Variants in PIBF1 observed in about 807,000 individuals in gnomAD.
PIBF1 encodes the protein progesterone-induced-blocking factor 1.
A neutral mutation model predicts 112.5 loss-of-function variants in PIBF1; 90 were observed. The observed-to-expected ratio is 0.80, with a 90% CI of 0.67 to 0.95. The LOEUF (loss-of-function observed/expected upper bound fraction) is 0.95, where lower values mean the gene tolerates loss of function less well. PIBF1 is among the 40% of genes least tolerant of loss of function. PIBF1 has a pLI of 0.00. For missense variants in PIBF1, 915 were observed against 852.3 expected (o/e 1.07, Z -0.92); for synonymous variants, 301 against 288.6 (o/e 1.04, Z -0.44).
In PIBF1 at chr13:72,835,811, C is replaced by G. The variant is rs367686772; in HGVS notation, c.1223+443C>G. On this transcript the variant is annotated intron_variant, in intron 9 of 17. Coordinates refer to ENST00000326291, the MANE Select transcript of PIBF1 (RefSeq NM_006346.4). ...GTATTAGGTAATCCTGAAGAAATAT[C>G]ATTTTTGGCTGGGCGTGGTGGCTCA... 9.9e-5 allele frequency among the ~76,000 whole-genome samples: 15 copies of G among 152,086 alleles called. No individual in the cohort carries two copies. In the East Asian group the frequency reaches 1.7e-3, roughly 18 times the overall value.
intron 3 of PIBF1, 55 bp downstream of exon 3, chr13:72,792,602 A>C: frequency 1.2e-6 from 1 of 862,918 alleles, no homozygotes; most frequent in Non-Finnish European, 1.8e-6. Context: ...ATTAAAAGTA[A>C]TTTTATTGCC....
intron 17 of PIBF1, among the ~76,000 whole-genome samples, chr13:73,009,039 T>G (rs373716989): frequency 6.6e-6 from 1 of 152,230 alleles, no homozygotes; most frequent in Non-Finnish European, 1.5e-5. Context: ...GGAACCTAGA[T>G]TCCCTCTTCC....
At chr13:72,903,622 T>C (rs895357281) in intron 11 of PIBF1, among the ~76,000 whole-genome samples, 1 of 152,208 alleles carries the variant, frequency 6.6e-6, no homozygotes, top group African/African-American at 2.4e-5. Flanking sequence ...AAATCTAAAA[T>C]TAGCTACATG....
intron 14 of PIBF1, among the ~76,000 whole-genome samples, chr13:72,938,328 AC>A (rs2041926142): frequency 6.6e-6 from 1 of 151,760 alleles, no homozygotes; most frequent in African/African-American, 2.4e-5. Context: ...TGGGAAGGAA[AC>A]CCTGTACCCA....
intron 16 of PIBF1, among the ~76,000 whole-genome samples, chr13:72,983,154 C>A (rs2043193919): frequency 6.6e-6 from 1 of 151,834 alleles, no homozygotes; most frequent in South Asian, 2.1e-4. Context: ...ACAGCAAGAC[C>A]CCTAGCATGG....
At chr13:72,971,000 C>T (rs2042873646) in intron 15 of PIBF1, among the ~76,000 whole-genome samples, 1 of 152,094 alleles carries the variant, frequency 6.6e-6, no homozygotes, top group African/African-American at 2.4e-5. Context: ...CCATTTATTC[C>T]ATGTATATAC....
intron 11 of PIBF1, among the ~76,000 whole-genome samples, chr13:72,895,505 C>T (rs2138582136): frequency 1.3e-5 from 2 of 151,698 alleles, no homozygotes; most frequent in South Asian, 4.2e-4. Context: ...AAATGAAATG[C>T]AAATTGCTAA....
intron 16 of PIBF1, among the ~76,000 whole-genome samples, chr13:72,981,288 A>T (rs2043151128): frequency 6.6e-6 from 1 of 150,634 alleles, no homozygotes; most frequent in African/African-American, 2.4e-5. Flanking sequence ...ATAAATAAAT[A>T]AAATAAAAAT....
chr13:72,993,145 C>T (rs1454949419), intron 16 of PIBF1, among the ~76,000 whole-genome samples: 1 of 152,104 alleles, frequency 6.6e-6, no homozygotes, highest in Non-Finnish European at 1.5e-5. Flanking sequence ...CATGGCGAAA[C>T]CCCATTTATA....
At position 72,823,554 on chromosome 13, in the gene PIBF1, GA is replaced by G. The variant is rs933242155; in HGVS notation, c.806+1580del. On this transcript the variant is annotated intron_variant, in intron 6 of 17. Coordinates refer to ENST00000326291, the MANE Select transcript of PIBF1 (RefSeq NM_006346.4). ...ATAAAATATAAGATAAACTGGGGAA[GA>G]AAAAAAAGCCCTTTTATGCCCCGGG... is the stretch of plus-strand genomic sequence containing the variant. Among the ~76,000 whole-genome samples the G allele has an allele frequency of 2.6e-4, 39 of 151,654 alleles. No individual in the cohort carries two copies. In the East Asian group the frequency reaches 5.0e-3, roughly 20 times the overall value.
At chr13:72,967,830 G>A (rs2042782864) in intron 15 of PIBF1, among the ~76,000 whole-genome samples, 1 of 151,962 alleles carries the variant, frequency 6.6e-6, no homozygotes, top group Non-Finnish European at 1.5e-5. Flanking sequence ...TTGAGTTAGG[G>A]CAAGTAATTT....
At chr13:72,887,656 TGA>T (rs1247778615) in intron 10 of PIBF1, among the ~76,000 whole-genome samples, 1 of 152,074 alleles carries the variant, frequency 6.6e-6, no homozygotes. Context: ...AAAAATTTTT[TGA>T]GTTGCCTTCA....
chr13:72,989,636 G>A (rs931138954), intron 16 of PIBF1, among the ~76,000 whole-genome samples: 1 of 152,112 alleles, frequency 6.6e-6, no homozygotes, highest in Non-Finnish European at 1.5e-5. Flanking sequence ...AGTTTCTTAG[G>A]TTTTGGTTTG....
intron 5 of PIBF1, among the ~76,000 whole-genome samples, chr13:72,817,755 A>G (rs536412876): frequency 4.6e-5 from 7 of 152,322 alleles, no homozygotes; most frequent in Non-Finnish European, 7.4e-5. Context: ...AGAGGAGAAT[A>G]CAAAATAGTC....
At chr13:72,955,399 G>C (rs533106506) in intron 14 of PIBF1, among the ~76,000 whole-genome samples, 1 of 151,598 alleles carries the variant, frequency 6.6e-6, no homozygotes, top group African/African-American at 2.4e-5. Flanking sequence ...GTGTGTGTGT[G>C]TATGTGCACA....
Position 72,832,008 on chromosome 13 carries a change from A to T in PIBF1, c.1098-3235A>T, listed in dbSNP as rs116001335. On this transcript the variant is annotated intron_variant, in intron 8 of 17. Transcript: ENST00000326291. The stretch of plus-strand genomic sequence containing the variant: ...CCTTTACTATTATGTAATGCCCTTT[A>T]TTCTCCTTTGATCTTTGTTGGTTTA... Among the ~76,000 whole-genome samples, 774 of 116,296 alleles carry T rather than the reference A, an allele frequency of 6.7e-3. 14 individuals are homozygous for T. Among genetic ancestry groups the T allele is most frequent in the African/African-American group, 0.022 (726 of 33,408 alleles). 76.3% of individuals were successfully genotyped at this position (116,296 alleles called of 152,430 possible).
chr13:72,864,021 A>G (rs1227507020), intron 10 of PIBF1, among the ~76,000 whole-genome samples: 1 of 152,246 alleles, frequency 6.6e-6, no homozygotes, highest in Non-Finnish European at 1.5e-5. Context: ...TTAATTGCTT[A>G]TTATGGTTCC....
chr13:72,893,124 A>G (rs1784083595), intron 10 of PIBF1, among the ~76,000 whole-genome samples: 1 of 152,180 alleles, frequency 6.6e-6, no homozygotes, highest in Admixed American at 6.6e-5. Flanking sequence ...TTCTGTTAGA[A>G]CACAATCAAC....
chr13:72,950,103 T>G lies in PIBF1; in HGVS notation c.1834-15171T>G, dbSNP rs989712569. ...AAATAATTGTTATGTATCCCCATAT[T>G]TTTGTCCTGTCCCTTTTCTGCCCCT... is the stretch of plus-strand genomic sequence containing the variant. On this transcript the variant is annotated intron_variant, in intron 14 of 17. Transcript: ENST00000326291. Among the ~76,000 whole-genome samples, 3 of 152,326 alleles carry G rather than the reference T, an allele frequency of 2.0e-5. No individual in the cohort carries two copies. In the South Asian group the frequency reaches 6.2e-4, roughly 32 times the overall value.
Sources: gnomAD v4.1 joint callset for allele counts (sites outside exome capture counted in the v4.1 genomes callset) on GRCh38, gnomAD v4.1.1 for gene constraint, MANE v1.5 for transcripts, NCBI Gene and HGNC (gene_info 2026-07-23, HGNC 2026-07-21) for gene names.